HDAC4: variants seen among roughly 807,000 people sequenced by gnomAD.
The protein encoded by HDAC4 is histone deacetylase 4, also known as histone deacetylase A.
A neutral mutation model predicts 135.1 loss-of-function variants in HDAC4; 16 were observed. That is an observed-to-expected ratio of 0.12 (90% CI 0.08 to 0.18). The LOEUF (loss-of-function observed/expected upper bound fraction) is 0.18. Ranked by LOEUF, HDAC4 falls within the 10% of genes least tolerant of loss-of-function variation. HDAC4 has a pLI of 1.00. For synonymous variants in HDAC4, 685 were observed against 653.4 expected (o/e 1.05, Z -0.74); for missense variants, 1,143 against 1,511.8 (o/e 0.76, Z 4.05).
chr2:239,271,896 A>C (rs900820258), intron 2 of HDAC4, among the ~76,000 whole-genome samples: 4 of 152,184 alleles, frequency 2.6e-5, no homozygotes, highest in African/African-American at 9.7e-5. Flanking sequence ...AAGCCACTAC[A>C]ATGCTGCCAT....
chr2:239,085,848 C>T (rs12233076), intron 19 of HDAC4: 41,687 of 134,608 alleles, frequency 0.31, 6,792 homozygotes, highest in Admixed American at 0.44. Context: ...TCCCTGTACA[C>T]GAAGGAGACT....
intron 4 of HDAC4, among the ~76,000 whole-genome samples, chr2:239,184,500 G>A (rs1179058023): frequency 6.5e-5 from 5 of 77,464 alleles, no homozygotes; most frequent in Non-Finnish European, 1.2e-4. Context: ...TGTGCCCTAT[G>A]GGGGGGGGTC....
intron 1 of HDAC4, among the ~76,000 whole-genome samples, chr2:239,377,800 G>A (rs1367871869): frequency 6.6e-6 from 1 of 152,084 alleles, no homozygotes; most frequent in East Asian, 1.9e-4. Flanking sequence ...GACACAACTG[G>A]GCACGGCCAG....
chr2:239,161,594 G>A lies in HDAC4; in HGVS notation c.611+2209C>T, dbSNP rs1025606235. Among the ~76,000 whole-genome samples the A allele has an allele frequency of 2.6e-5, 4 of 152,064 alleles. No individual in the cohort carries two copies. The East Asian group carries it at 5.8e-4, about 22-fold the overall frequency. On this transcript the variant is annotated intron_variant, in intron 6 of 26. Transcript: ENST00000543185. Reference sequence around the variant, plus strand: ...TACGGCAAAACAAGAAAACCACCAGGCTCCAGGAAAACAAACCTGTCCTAT... The same window carrying A: ...TACGGCAAAACAAGAAAACCACCAGACTCCAGGAAAACAAACCTGTCCTAT...
At chr2:239,158,456 A>C (rs1269801889) in intron 6 of HDAC4, among the ~76,000 whole-genome samples, 3 of 152,172 alleles carry the variant, frequency 2.0e-5, no homozygotes, top group African/African-American at 7.2e-5. Flanking sequence ...TAGGAGTTGC[A>C]AAAGTTACAT....
intron 16 of HDAC4, among the ~76,000 whole-genome samples, chr2:239,101,627 A>G (rs897439803): frequency 5.9e-5 from 9 of 152,180 alleles, no homozygotes; most frequent in Non-Finnish European, 8.8e-5. Flanking sequence ...GCAAAGGCAC[A>G]GAAGATGGGG....
At chr2:239,298,075 T>TTTA in intron 2 of HDAC4, 9 of 588,130 alleles carry the variant, frequency 1.5e-5, no homozygotes, top group Non-Finnish European at 2.6e-5. Flanking sequence ...GTGTCATGGG[T>TTTA]CTTTAGGGTT....
At chr2:239,348,854 G>C (rs2125908064) in intron 2 of HDAC4, among the ~76,000 whole-genome samples, 1 of 152,356 alleles carries the variant, frequency 6.6e-6, no homozygotes, top group East Asian at 1.9e-4. Context: ...CAACAGTTAA[G>C]CAGCTTTGAC....
chr2:239,213,505 TGGAATTCACTC>T (rs1382132456), intron 3 of HDAC4, among the ~76,000 whole-genome samples: 1 of 152,242 alleles, frequency 6.6e-6, no homozygotes, highest in African/African-American at 2.4e-5. Context: ...CTACTGCATC[TGGAATTCACTC>T]GGGTTCTGGA....
rs1691536684 is a variant in HDAC4, at chr2:239,331,051, G to C, written c.22+21627C>G. On this transcript the variant is annotated intron_variant, in intron 2 of 26. Transcript: ENST00000543185. The surrounding 1 kb of genome is among the most constrained non-coding windows in gnomAD (Gnocchi z 4.5). ...CCTTGGCTGCCCGAAATTCGGAGTG[G>C]GGAGGAAGGCAGATATGCCTGAATA... Among the ~76,000 whole-genome samples, 1 of 152,170 alleles carries C rather than the reference G, an allele frequency of 6.6e-6. No individual in the cohort carries two copies. The highest frequency in any genetic ancestry group is 1.5e-5 in the Non-Finnish European group (1 of 68,040).
chr2:239,350,695 G>A (rs959697764), intron 2 of HDAC4, among the ~76,000 whole-genome samples: 2 of 152,036 alleles, frequency 1.3e-5, no homozygotes, highest in Non-Finnish European at 2.9e-5. Context: ...GTAGAGATGG[G>A]GTTTCACTAT....
intron 12 of HDAC4, among the ~76,000 whole-genome samples, chr2:239,122,131 C>G (rs13396070): frequency 6.6e-6 from 1 of 152,154 alleles, no homozygotes; most frequent in South Asian, 2.1e-4. Context: ...CGGACACACT[C>G]GTAATTAGAC....
chr2:239,230,368 C>CAAAAAAAAAAAAAAAAAAAAAAAGAAAAA (rs56105562), intron 3 of HDAC4, among the ~76,000 whole-genome samples: 1 of 79,394 alleles, frequency 1.3e-5, no homozygotes, highest in Non-Finnish European at 2.3e-5. Context: ...AGCAAGCAAG[C>CAAAAAAAAAAAAAAAAAAAAAAAGAAAAA]AAAAAAAAAA....
Position 239,345,056 on chromosome 2 carries a change from C to A in HDAC4, c.22+7622G>T, listed in dbSNP as rs370954852. On this transcript the variant is annotated intron_variant, in intron 2 of 26. Transcript: ENST00000543185. The stretch of plus-strand genomic sequence containing the variant: ...CAGCTGGCTGCACCTGCTGCCTACA[C>A]ACCCCCTCCTCCTGGGAGCCCTCTT... 3.3e-5 allele frequency among the ~76,000 whole-genome samples: 5 copies of A among 152,252 alleles called. No individual in the cohort carries two copies. In the East Asian group the frequency reaches 9.7e-4, roughly 30 times the overall value.
intron 11 of HDAC4, among the ~76,000 whole-genome samples, chr2:239,133,141 A>G (rs1423782000): frequency 6.6e-6 from 1 of 152,208 alleles, no homozygotes; most frequent in African/African-American, 2.4e-5. Flanking sequence ...CTTCTGGGCA[A>G]AGAAGGAATA....
chr2:239,081,646 G>T (rs997265279), intron 21 of HDAC4, among the ~76,000 whole-genome samples: 1 of 152,232 alleles, frequency 6.6e-6, no homozygotes, highest in African/African-American at 2.4e-5. Flanking sequence ...TGGAGCCTCT[G>T]TTCAGAGTGG....
At chr2:239,082,265 GGAGGGTGGCCTCCC>G in intron 20 of HDAC4, 44 bp from the exon 21 acceptor site, 3 of 1,613,904 alleles carry the variant, frequency 1.9e-6, no homozygotes, top group Non-Finnish European at 2.5e-6. Flanking sequence ...GGCAGGTATT[GGAGGGTGGCCTCCC>G]CTGAGGGCCG....
intron 11 of HDAC4, among the ~76,000 whole-genome samples, chr2:239,132,212 C>T (rs1011079065): frequency 1.3e-5 from 2 of 152,204 alleles, no homozygotes; most frequent in African/African-American, 4.8e-5. Context: ...CTCACGGGGG[C>T]GGACCGCTTA....
chr2:239,085,387 AGTT>A (rs1483451039), intron 19 of HDAC4, among the ~76,000 whole-genome samples: 3 of 152,174 alleles, frequency 2.0e-5, no homozygotes, highest in Admixed American at 6.5e-5. Flanking sequence ...GAGAAACACT[AGTT>A]GTTTTGTTTT....
Sources: gnomAD v4.1 joint callset for allele counts (sites outside exome capture counted in the v4.1 genomes callset) on GRCh38, gnomAD v4.1.1 for gene constraint, Gnocchi (gnomAD v3.1) non-coding constraint, MANE v1.5 for transcripts, NCBI Gene and HGNC (gene_info 2026-07-23, HGNC 2026-07-21) for gene names.